SPOCK1: variants seen among roughly 807,000 people sequenced by gnomAD.
SPOCK1 encodes the protein SPARC (osteonectin), cwcv and kazal like domains proteoglycan 1, also known as testican-1.
A neutral mutation model predicts 55.3 loss-of-function variants in SPOCK1; 23 were observed. The ratio of observed to expected loss-of-function variants is 0.42; its 90% confidence interval spans 0.30 to 0.59. The LOEUF (loss-of-function observed/expected upper bound fraction) is 0.59. Among genes scored for constraint, SPOCK1 ranks in the 20% least tolerant of loss-of-function variants. The pLI is 0.22. For missense variants in SPOCK1, 499 were observed against 552.5 expected, an observed-to-expected ratio of 0.90 and a Z score of 0.97; for synonymous variants, 226 against 221.0, an observed-to-expected ratio of 1.02 and a Z score of -0.20.
intron 2 of SPOCK1, among the ~76,000 whole-genome samples, chr5:137,368,934 C>G (rs1369491990): frequency 1.3e-5 from 2 of 152,234 alleles, no homozygotes; most frequent in African/African-American, 4.8e-5. Context: ...GCTAGGCAAG[C>G]TGTATTTCAT....
At chr5:137,181,684 G>C (rs1754972759) in intron 3 of SPOCK1, among the ~76,000 whole-genome samples, 1 of 152,216 alleles carries the variant, frequency 6.6e-6, no homozygotes, top group African/African-American at 2.4e-5. Flanking sequence ...AGAAACTTTG[G>C]AGCATTAGCT....
At chr5:137,024,320 G>GGGC (rs778216389) in intron 6 of SPOCK1, among the ~76,000 whole-genome samples, 22 of 147,680 alleles carry the variant, frequency 1.5e-4, no homozygotes, top group Non-Finnish European at 2.4e-4. Flanking sequence ...TTGAAGGGGG[G>GGGC]GGGGTAGTTA....
chr5:137,087,999 T>G (rs904992402), intron 5 of SPOCK1, among the ~76,000 whole-genome samples: 1 of 152,166 alleles, frequency 6.6e-6, no homozygotes. Context: ...AGCTCTTAGG[T>G]GGAAGTGGGG....
chr5:136,978,980 A>G, intron 10 of SPOCK1, 136 bp from the exon 11 acceptor site: 1 of 945,558 alleles, frequency 1.1e-6, no homozygotes, highest in South Asian at 1.8e-5. Flanking sequence ...TGCCCCACTG[A>G]GGTGAGTCTT....
chr5:137,482,666 C>T (rs1001835868), intron 2 of SPOCK1, among the ~76,000 whole-genome samples: 6 of 152,108 alleles, frequency 3.9e-5, no homozygotes, highest in Non-Finnish European at 1.5e-5. Flanking sequence ...GGGACCGGGT[C>T]ATTAAAATTT....
intron 2 of SPOCK1, among the ~76,000 whole-genome samples, chr5:137,317,464 A>C (rs1207396430): frequency 6.6e-6 from 1 of 152,170 alleles, no homozygotes; most frequent in African/African-American, 2.4e-5. Flanking sequence ...GCTTCAGCAG[A>C]TCAGGAATAG....
intron 2 of SPOCK1, among the ~76,000 whole-genome samples, chr5:137,417,622 C>T (rs1291843583): frequency 3.9e-5 from 6 of 152,094 alleles, no homozygotes; most frequent in Non-Finnish European, 7.4e-5. Context: ...ATTAAGAAAA[C>T]ATTAAAGTCT....
chr5:137,404,371 T>C (rs1262924427), intron 2 of SPOCK1, among the ~76,000 whole-genome samples: 1 of 151,684 alleles, frequency 6.6e-6, no homozygotes, highest in Admixed American at 6.6e-5. Flanking sequence ...TTAGATGTCA[T>C]CTTCTATTTT....
At chr5:137,384,559 C>CATATATATATATATATATAT in intron 2 of SPOCK1, among the ~76,000 whole-genome samples, 1 of 133,052 alleles carries the variant, frequency 7.5e-6, no homozygotes, top group African/African-American at 4.0e-5. Flanking sequence ...CATATACATA[C>CATATATATATATATATATAT]ATACATATAT....
chr5:137,415,372 G>A (rs1443559513), intron 2 of SPOCK1, among the ~76,000 whole-genome samples: 4 of 152,226 alleles, frequency 2.6e-5, no homozygotes, highest in Admixed American at 1.3e-4. Flanking sequence ...CAAGCCATAT[G>A]TTTGTGTGAC....
intron 3 of SPOCK1, among the ~76,000 whole-genome samples, chr5:137,251,764 A>G (rs1421809185): frequency 6.6e-6 from 1 of 152,224 alleles, no homozygotes; most frequent in Admixed American, 6.5e-5. Context: ...TAAAAAAATT[A>G]TAAAGCAAAA....
chr5:137,416,106 A>G (rs1752321695), intron 2 of SPOCK1, among the ~76,000 whole-genome samples: 1 of 152,172 alleles, frequency 6.6e-6, no homozygotes, highest in African/African-American at 2.4e-5. Flanking sequence ...TAGAAAAGGA[A>G]AAGAACACAT....
chr5:137,162,491 A>G (rs77118800), intron 3 of SPOCK1, among the ~76,000 whole-genome samples: 2,406 of 152,170 alleles, frequency 0.016, 66 homozygotes, highest in African/African-American at 0.054. Flanking sequence ...TAAATCAGAG[A>G]TGATTTTTCC....
At chr5:137,040,361 C>T (rs17170899) in intron 6 of SPOCK1, among the ~76,000 whole-genome samples, 6,566 of 152,290 alleles carry the variant, frequency 0.043, 160 homozygotes, top group Admixed American at 0.058. Flanking sequence ...CCAAGCACTG[C>T]ACTGTGGCTA....
chr5:137,124,561 C>A (rs1249104457), intron 4 of SPOCK1, among the ~76,000 whole-genome samples: 2 of 152,192 alleles, frequency 1.3e-5, no homozygotes, highest in African/African-American at 4.8e-5. Flanking sequence ...CTAGGCCAGG[C>A]ATGGAAGAGC....
At chr5:137,196,477 C>A (rs929022947) in intron 3 of SPOCK1, among the ~76,000 whole-genome samples, 18 of 152,224 alleles carry the variant, frequency 1.2e-4, no homozygotes, top group Non-Finnish European at 1.8e-4. Flanking sequence ...TTACTCTCTG[C>A]AAGTGGTCTT....
chr5:137,227,536 A>T (rs1442301343), intron 3 of SPOCK1, among the ~76,000 whole-genome samples: 1 of 152,236 alleles, frequency 6.6e-6, no homozygotes, highest in Non-Finnish European at 1.5e-5. Flanking sequence ...AGCATTTGGC[A>T]TCTCTTGCCC....
chr5:137,145,000 C>T (rs1301960460), intron 3 of SPOCK1, among the ~76,000 whole-genome samples: 2 of 152,150 alleles, frequency 1.3e-5, no homozygotes, highest in Admixed American at 6.5e-5. Context: ...ACCAAACCTG[C>T]AGGACTCCTG....
At chr5:137,374,264 C>T (rs780545981) in intron 2 of SPOCK1, among the ~76,000 whole-genome samples, 3 of 152,254 alleles carry the variant, frequency 2.0e-5, no homozygotes, top group Non-Finnish European at 4.4e-5. Context: ...CCATTCTTCA[C>T]ATCATAACCT....
Sources: allele counts gnomAD v4.1 joint callset (sites outside exome capture counted in the v4.1 genomes callset), GRCh38; gene constraint gnomAD v4.1.1; transcripts MANE v1.5; gene names NCBI Gene and HGNC (gene_info 2026-07-23, HGNC 2026-07-21).